The following DOCK3 variants were observed in gnomAD, a reference collection of about 807,000 sequenced individuals.
DOCK3 encodes dedicator of cytokinesis 3, also known as dedicator of cytokinesis protein 3.
DOCK3 carries 60 observed loss-of-function variants against 265.6 expected under a neutral mutation model. The observed-to-expected ratio is 0.23, with a 90% CI of 0.18 to 0.28. DOCK3 has a LOEUF of 0.28. Among genes scored for constraint, DOCK3 ranks in the 10% least tolerant of loss-of-function variants. The pLI is 1.00. For synonymous variants in DOCK3, 881 were observed against 938.0 expected (o/e 0.94, Z 1.11); for missense variants, 1,981 against 2,594.3 (o/e 0.76, Z 5.14).
At chr3:51,127,523 C>T (rs566359050) in intron 9 of DOCK3, among the ~76,000 whole-genome samples, 26 of 152,250 alleles carry the variant, frequency 1.7e-4, no homozygotes, top group African/African-American at 6.0e-4. Flanking sequence ...GTTAACAATA[C>T]TTAAATGCTG....
At chr3:50,714,058 A>G (rs1194439846) in intron 1 of DOCK3, among the ~76,000 whole-genome samples, 1 of 152,126 alleles carries the variant, frequency 6.6e-6, no homozygotes, top group Non-Finnish European at 1.5e-5. Flanking sequence ...TTACAGGAGC[A>G]GTCATCACAC....
At chr3:51,123,107 G>T (rs898917218) in intron 9 of DOCK3, among the ~76,000 whole-genome samples, 1 of 152,120 alleles carries the variant, frequency 6.6e-6, no homozygotes, top group Non-Finnish European at 1.5e-5. Flanking sequence ...CCTGACCAGG[G>T]TGTGGTCAGC....
chr3:51,335,266 A>G (rs917500971), intron 35 of DOCK3, among the ~76,000 whole-genome samples: 2 of 151,758 alleles, frequency 1.3e-5, no homozygotes, highest in African/African-American at 2.4e-5. Context: ...GCCAAAAAAA[A>G]AGAAGAAGAA....
intron 4 of DOCK3, among the ~76,000 whole-genome samples, chr3:50,922,094 G>A (rs1380229469): frequency 6.6e-6 from 1 of 152,198 alleles, no homozygotes; most frequent in Non-Finnish European, 1.5e-5. Flanking sequence ...GTCAGACAGG[G>A]ACGTTTAAGT....
intron 22 of DOCK3, among the ~76,000 whole-genome samples, chr3:51,247,536 C>A (rs1480636539): frequency 6.6e-6 from 1 of 152,244 alleles, no homozygotes; most frequent in East Asian, 1.9e-4. Context: ...TCACCTGCAA[C>A]AAGTACTGGA....
intron 1 of DOCK3, among the ~76,000 whole-genome samples, chr3:50,689,526 A>G: frequency 6.6e-6 from 1 of 152,200 alleles, no homozygotes; most frequent in African/African-American, 2.4e-5. Context: ...GGGGGTAACC[A>G]GTCCCATGAT....
At chr3:51,259,223 A>G (rs140224243) in intron 22 of DOCK3, among the ~76,000 whole-genome samples, 5 of 152,342 alleles carry the variant, frequency 3.3e-5, no homozygotes, top group African/African-American at 9.6e-5. Context: ...ATGGGCCACA[A>G]AATATTAAGT....
At chr3:50,999,374 T>C (rs1048784922) in intron 5 of DOCK3, among the ~76,000 whole-genome samples, 3 of 152,204 alleles carry the variant, frequency 2.0e-5, no homozygotes, top group African/African-American at 7.2e-5. Flanking sequence ...TAGCAGGCTA[T>C]GGGGAGACTC....
intron 7 of DOCK3, among the ~76,000 whole-genome samples, chr3:51,084,640 T>G (rs1004418436): frequency 6.6e-6 from 1 of 152,042 alleles, no homozygotes; most frequent in Non-Finnish European, 1.5e-5. Flanking sequence ...TCTACCATCA[T>G]GAAAACACAC....
chr3:51,193,770 G>GT (rs1330594778), intron 12 of DOCK3, among the ~76,000 whole-genome samples: 3 of 122,346 alleles, frequency 2.5e-5, no homozygotes, highest in East Asian at 2.5e-4. Context: ...TGTCTTCTTT[G>GT]TTTTTTCTGA....
intron 27 of DOCK3, among the ~76,000 whole-genome samples, chr3:51,305,028 C>A (rs890727006): frequency 1.3e-5 from 2 of 152,120 alleles, no homozygotes; most frequent in Admixed American, 6.5e-5. Flanking sequence ...TTGAGGAAAA[C>A]GTGTGTATTT....
At position 51,089,233 on chromosome 3, in the gene DOCK3, C is replaced by G; in HGVS notation, c.550-10C>G. On this transcript the variant is annotated splice_polypyrimidine_tract_variant and intron_variant, in intron 7 of 52. Transcript: ENST00000266037. ...CGGTAGAGTTTATTTTTCTTTCCTT[C>G]TTTCCATAGCATTTATCTAGCCGGC... is the stretch of plus-strand genomic sequence containing the variant. 6.2e-7 allele frequency: 1 copy of G among 1,603,324 alleles called. No homozygotes were observed. Among genetic ancestry groups the G allele is most frequent in the Middle Eastern group, 1.7e-4 (1 of 6,044 alleles).
chr3:50,794,419 G>T (rs1367593527), intron 2 of DOCK3, among the ~76,000 whole-genome samples: 1 of 152,126 alleles, frequency 6.6e-6, no homozygotes, highest in Non-Finnish European at 1.5e-5. Context: ...GTGCTCCTGT[G>T]TTAGGTGCAT....
At chr3:51,040,406 C>T (rs747962583) in intron 5 of DOCK3, among the ~76,000 whole-genome samples, 3 of 152,132 alleles carry the variant, frequency 2.0e-5, no homozygotes, top group Non-Finnish European at 4.4e-5. Context: ...TGAAACTATA[C>T]ATACCTTAAT....
chr3:50,868,901 GTTTTTTTTTT>G lies in DOCK3; in HGVS notation c.163-21109_163-21100del, dbSNP rs147898866. On this transcript the variant is annotated intron_variant, in intron 3 of 52. Transcript: ENST00000266037. Reference sequence around the variant, plus strand: ...CTGATTTTATTTATTTGGATAATCTGTTTTTTTTTTTTTTTTTTTTTTTTTGGTCTGACTA... The same window carrying G: ...CTGATTTTATTTATTTGGATAATCTGTTTTTTTTTTTTTTTGGTCTGACTA... 2.0e-3 allele frequency among the ~76,000 whole-genome samples: 29 copies of G among 14,298 alleles called. No individual in the cohort carries two copies. In the South Asian group the frequency reaches 0.032, roughly 16 times the overall value. The allele number at this position is 14,298 out of a possible 152,430, so 9.4% of individuals were successfully genotyped here. A position where few individuals can be genotyped will look rare whatever the true frequency, so the allele number is the denominator to read the frequency against.
intron 12 of DOCK3, among the ~76,000 whole-genome samples, chr3:51,207,109 G>C (rs889973752): frequency 6.6e-6 from 1 of 152,210 alleles, no homozygotes; most frequent in Non-Finnish European, 1.5e-5. Flanking sequence ...GCCCAGGAAG[G>C]CTTGTAGGGT....
chr3:51,295,692 C>T (rs917746102), intron 27 of DOCK3, among the ~76,000 whole-genome samples: 3 of 151,928 alleles, frequency 2.0e-5, no homozygotes, highest in African/African-American at 4.8e-5. Context: ...TAATTTCTTT[C>T]TCCTAAGATC....
intron 5 of DOCK3, among the ~76,000 whole-genome samples, chr3:50,977,852 C>A (rs1419219017): frequency 6.6e-6 from 1 of 151,640 alleles, no homozygotes; most frequent in African/African-American, 2.4e-5. Flanking sequence ...TCTTTTTATT[C>A]TTTTTTCTCT....
intron 8 of DOCK3, among the ~76,000 whole-genome samples, chr3:51,089,734 C>T (rs1230252626): frequency 6.6e-6 from 1 of 151,094 alleles, no homozygotes; most frequent in Admixed American, 6.6e-5. Flanking sequence ...CATGGTGAAA[C>T]CTACTAAAAA....
Sources: gnomAD v4.1 joint callset for allele counts (sites outside exome capture counted in the v4.1 genomes callset) on GRCh38, gnomAD v4.1.1 for gene constraint, MANE v1.5 for transcripts, NCBI Gene and HGNC (gene_info 2026-07-23, HGNC 2026-07-21) for gene names.